Variants in SEMA5A observed in about 807,000 individuals in gnomAD.
SEMA5A encodes the protein semaphorin 5A.
A neutral mutation model predicts 135.5 loss-of-function variants in SEMA5A; 55 were observed. The ratio of observed to expected loss-of-function variants is 0.41; its 90% CI spans 0.33 to 0.51. SEMA5A has a LOEUF of 0.51. SEMA5A is among the 20% of genes least tolerant of loss of function. The probability of loss-of-function intolerance (pLI) is 0.37; values close to 1 mark genes in which losing one functional copy is unlikely to be tolerated. For synonymous variants in SEMA5A, 580 were observed against 546.5 expected (o/e 1.06, Z -0.85); for missense variants, 1,290 against 1,419.9 (o/e 0.91, Z 1.47).
chr5:9,378,883 C>A (rs1218264215), intron 3 of SEMA5A, among the ~76,000 whole-genome samples: 1 of 151,914 alleles, frequency 6.6e-6, no homozygotes, highest in Non-Finnish European at 1.5e-5. Flanking sequence ...TACTGAATTC[C>A]TTATCTTTGA....
chr5:9,214,200 C>T lies in SEMA5A; in HGVS notation c.646+10474G>A, dbSNP rs1806034. On this transcript the variant is annotated intron_variant, in intron 8 of 22. Coordinates refer to ENST00000382496, the MANE Select transcript of SEMA5A (RefSeq NM_003966.3). ...TGCTCCTTAAAGGACACCAAGCATGCATGCGGGAAAAATAGCAGGAGCCAG... is the reference window on the plus strand; with the variant it reads ...TGCTCCTTAAAGGACACCAAGCATGTATGCGGGAAAAATAGCAGGAGCCAG... Among the ~76,000 whole-genome samples, 684 of 152,292 alleles carry T rather than the reference C, an allele frequency of 4.5e-3. 8 individuals carry two copies. In the East Asian group the frequency reaches 0.058, roughly 13 times the overall value.
chr5:9,511,046 T>C (rs370309924), intron 1 of SEMA5A, among the ~76,000 whole-genome samples: 2 of 152,222 alleles, frequency 1.3e-5, no homozygotes, highest in East Asian at 1.9e-4. Flanking sequence ...TGTTTCCTGA[T>C]ATCTAGTGTA....
chr5:9,487,361 G>T (rs1228533148), intron 1 of SEMA5A, among the ~76,000 whole-genome samples: 2 of 152,118 alleles, frequency 1.3e-5, no homozygotes, highest in African/African-American at 2.4e-5. Flanking sequence ...GAAACTGAAG[G>T]CCAGGGAGTT....
intron 18 of SEMA5A, among the ~76,000 whole-genome samples, chr5:9,061,047 T>G (rs1017637842): frequency 6.6e-6 from 1 of 151,882 alleles, no homozygotes; most frequent in African/African-American, 2.4e-5. Flanking sequence ...GCCTGCTTGC[T>G]GTGGCTGCCA....
At chr5:9,047,485 C>G (rs796188048) in intron 21 of SEMA5A, among the ~76,000 whole-genome samples, 13 of 152,278 alleles carry the variant, frequency 8.5e-5, no homozygotes, top group African/African-American at 2.9e-4. Context: ...ATGGGGAAAG[C>G]AGTGCCCATT....
rs1372285030 is a variant in SEMA5A, at chr5:9,042,180, A to C, written c.*717T>G. On this transcript the variant is annotated 3_prime_UTR_variant, in exon 23 of 23. Coordinates refer to ENST00000382496, the MANE Select transcript of SEMA5A (RefSeq NM_003966.3). ...GTCAGAATAAGGTGAGTTTTGCAGC[A>C]ACCTGCAGAACACATCCACGCTTCA... is the stretch of plus-strand genomic sequence containing the variant. The C allele has an allele frequency of 2.6e-5, 4 of 152,352 alleles. No individual in the cohort carries two copies. Among genetic ancestry groups the C allele is most frequent in the African/African-American group, 9.6e-5 (4 of 41,460 alleles). The allele number at this position is 152,352 out of a possible 1,614,324, so 9.4% of individuals were successfully genotyped here. A position where few individuals can be genotyped will look rare whatever the true frequency, so the allele number is the denominator to read the frequency against.
At chr5:9,223,319 T>A (rs1050051913) in intron 8 of SEMA5A, among the ~76,000 whole-genome samples, 2 of 152,228 alleles carry the variant, frequency 1.3e-5, no homozygotes, top group Non-Finnish European at 2.9e-5. Context: ...TTGACTGTAT[T>A]ATTTGGCAAA....
intron 2 of SEMA5A, among the ~76,000 whole-genome samples, chr5:9,395,586 CAAG>C (rs1269023583): frequency 6.6e-6 from 1 of 152,124 alleles, no homozygotes; most frequent in African/African-American, 2.4e-5. Context: ...CTGCTTATAC[CAAG>C]AAGAAATGCT....
intron 16 of SEMA5A, among the ~76,000 whole-genome samples, chr5:9,076,033 C>T (rs905328475): frequency 5.3e-5 from 8 of 151,678 alleles, no homozygotes; most frequent in East Asian, 3.9e-4. Context: ...GGTGAAACCC[C>T]GTCTCTACTA....
chr5:9,161,086 T>C (rs1007402465), intron 11 of SEMA5A, among the ~76,000 whole-genome samples: 7 of 152,024 alleles, frequency 4.6e-5, no homozygotes, highest in Non-Finnish European at 8.8e-5. Context: ...CTAAGTACAC[T>C]GTGGGAAGAA....
intron 16 of SEMA5A, among the ~76,000 whole-genome samples, chr5:9,089,612 C>T (rs181536058): frequency 2.6e-5 from 4 of 152,244 alleles, no homozygotes; most frequent in Admixed American, 1.3e-4. Context: ...TTGACCTTAC[C>T]ACCCTTATTT....
intron 11 of SEMA5A, among the ~76,000 whole-genome samples, chr5:9,172,500 G>A (rs146779275): frequency 3.8e-4 from 58 of 152,070 alleles, no homozygotes; most frequent in African/African-American, 1.4e-3. Context: ...AATTAATCTT[G>A]GTGATCACTT....
At chr5:9,140,643 C>T (rs374870458) in intron 12 of SEMA5A, among the ~76,000 whole-genome samples, 12 of 152,110 alleles carry the variant, frequency 7.9e-5, no homozygotes, top group Admixed American at 2.0e-4. Flanking sequence ...TTTATATTTG[C>T]GGCTCCTATG....
chr5:9,191,867 C>T (rs966466542), intron 10 of SEMA5A, among the ~76,000 whole-genome samples: 23 of 150,766 alleles, frequency 1.5e-4, no homozygotes, highest in South Asian at 4.3e-4. Context: ...AGGGCTCAGC[C>T]CTGCCATGAC....
chr5:9,282,691 A>G (rs1750602810), intron 5 of SEMA5A, among the ~76,000 whole-genome samples: 7 of 152,176 alleles, frequency 4.6e-5, no homozygotes, highest in Admixed American at 4.6e-4. Context: ...AGGGACCCCC[A>G]AACAGCCGCC....
intron 16 of SEMA5A, among the ~76,000 whole-genome samples, chr5:9,093,426 T>C (rs1739142637): frequency 6.6e-6 from 1 of 152,176 alleles, no homozygotes; most frequent in African/African-American, 2.4e-5. Context: ...AAGAACTGAA[T>C]GGCCGGGCGT....
intron 16 of SEMA5A, among the ~76,000 whole-genome samples, chr5:9,084,926 G>A (rs1387193991): frequency 2.0e-5 from 3 of 152,168 alleles, no homozygotes. Flanking sequence ...TAAGGTCCAG[G>A]CTGAGGTGGT....
chr5:9,360,063 T>C (rs897811942), intron 3 of SEMA5A, among the ~76,000 whole-genome samples: 1 of 152,254 alleles, frequency 6.6e-6, no homozygotes, highest in African/African-American at 2.4e-5. Flanking sequence ...AACTGTGACA[T>C]TATCTCTCAG....
rs7708290 is a variant in SEMA5A, at chr5:9,282,058, A to T, written c.270+36314T>A. Among the ~76,000 whole-genome samples the T allele has an allele frequency of 9.1e-3, 1,385 of 152,010 alleles. 18 individuals are homozygous for T. The highest frequency in any genetic ancestry group is 0.028 in the African/African-American group (1,157 of 41,468). ...GAACTCCTGACCTCGTGATCCACCC[A>T]TCAGAGCCTCCTAAAGTGCTGGGAT... On this transcript the variant is annotated intron_variant, in intron 5 of 22. Transcript: ENST00000382496.
Sources: gnomAD v4.1 joint callset for allele counts (sites outside exome capture counted in the v4.1 genomes callset) on GRCh38, gnomAD v4.1.1 for gene constraint, MANE v1.5 for transcripts, NCBI Gene and HGNC (gene_info 2026-07-23, HGNC 2026-07-21) for gene names.